Variants in KAZN observed in about 807,000 individuals in gnomAD.
KAZN encodes kazrin.
KAZN carries 40 observed loss-of-function variants against 87.4 expected under a neutral mutation model. That is an observed-to-expected ratio of 0.46 (90% confidence interval 0.36 to 0.60). KAZN has a LOEUF of 0.60. KAZN is among the 20% of genes least tolerant of loss of function. The pLI, the probability that KAZN is intolerant of heterozygous loss-of-function variation, is 0.00. For missense variants in KAZN, 898 were observed against 1,073.9 expected, an observed-to-expected ratio of 0.84 and a Z score of 2.29; for synonymous variants, 466 against 458.3, an observed-to-expected ratio of 1.02 and a Z score of -0.22.
intron 1 of KAZN, among the ~76,000 whole-genome samples, chr1:14,120,585 G>T (rs979190960): frequency 2.0e-5 from 3 of 152,172 alleles, no homozygotes; most frequent in Non-Finnish European, 2.9e-5. Context: ...ACTGGGCCCA[G>T]AGGTACCTGG....
intron 2 of KAZN, among the ~76,000 whole-genome samples, chr1:14,447,021 A>G (rs1471759349): frequency 6.6e-6 from 1 of 152,124 alleles, no homozygotes; most frequent in Non-Finnish European, 1.5e-5. Context: ...TAGTGAGCAT[A>G]GTATGTGATA....
intron 1 of KAZN, among the ~76,000 whole-genome samples, chr1:14,029,658 G>T (rs1337225494): frequency 6.6e-6 from 1 of 151,780 alleles, no homozygotes; most frequent in Non-Finnish European, 1.5e-5. Flanking sequence ...TGTATAAGGT[G>T]TAAGGAAGGG....
chr1:14,405,355 A>G (rs1177002321), intron 2 of KAZN, among the ~76,000 whole-genome samples: 2 of 152,194 alleles, frequency 1.3e-5, no homozygotes, highest in Non-Finnish European at 2.9e-5. Flanking sequence ...TGAAACCAAG[A>G]AATCATATAG....
chr1:13,902,356 T>C (rs1486986044), intron 1 of KAZN, among the ~76,000 whole-genome samples: 1 of 151,992 alleles, frequency 6.6e-6, no homozygotes, highest in African/African-American at 2.4e-5. Flanking sequence ...TTCCCCAGGG[T>C]GTAGGGGGTA....
intron 1 of KAZN, among the ~76,000 whole-genome samples, chr1:14,839,878 A>G (rs1647735090): frequency 6.6e-6 from 1 of 152,108 alleles, no homozygotes; most frequent in Non-Finnish European, 1.5e-5. Flanking sequence ...CAATAAAGGG[A>G]AACCAGCCTG....
chr1:14,256,137 C>A (rs1245411722), intron 2 of KAZN, among the ~76,000 whole-genome samples: 3 of 152,166 alleles, frequency 2.0e-5, no homozygotes, highest in Admixed American at 6.6e-5. Context: ...TTACTAAGTT[C>A]TTTTCCTAAT....
intron 2 of KAZN, among the ~76,000 whole-genome samples, chr1:14,981,070 C>T (rs1034428836): frequency 2.6e-5 from 4 of 152,168 alleles, no homozygotes; most frequent in African/African-American, 9.7e-5. Context: ...AGGGCAGCCT[C>T]CTCTGCAGAA....
intron 8 of KAZN, among the ~76,000 whole-genome samples, chr1:15,080,053 C>T (rs1639925160): frequency 2.0e-5 from 3 of 152,144 alleles, no homozygotes; most frequent in African/African-American, 7.2e-5. Context: ...AGTGGGGACC[C>T]TGGCCAACCC....
At chr1:14,129,944 T>G (rs1016648762) in intron 1 of KAZN, among the ~76,000 whole-genome samples, 3 of 152,218 alleles carry the variant, frequency 2.0e-5, no homozygotes, top group Non-Finnish European at 4.4e-5. Context: ...CCTTGTCACA[T>G]TTTCTGTATG....
At chr1:14,375,323 A>G (rs988841141) in intron 2 of KAZN, among the ~76,000 whole-genome samples, 4 of 152,148 alleles carry the variant, frequency 2.6e-5, no homozygotes, top group African/African-American at 9.7e-5. Context: ...ACACCTAGGC[A>G]CTGTCTCTCC....
chr1:14,843,984 T>A (rs1195968303), intron 1 of KAZN, among the ~76,000 whole-genome samples: 1 of 152,230 alleles, frequency 6.6e-6, no homozygotes, highest in Non-Finnish European at 1.5e-5. Flanking sequence ...GTGGTTTTAA[T>A]AAGTTTAAAA....
intron 1 of KAZN, among the ~76,000 whole-genome samples, chr1:14,059,084 G>T (rs78036427): frequency 0.053 from 8,072 of 152,258 alleles, 583 homozygotes; most frequent in African/African-American, 0.16. Flanking sequence ...GTGGGTGAAT[G>T]AGAATTATCT....
chr1:14,057,426 C>A (rs752882086), intron 1 of KAZN, among the ~76,000 whole-genome samples: 1 of 152,198 alleles, frequency 6.6e-6, no homozygotes, highest in Non-Finnish European at 1.5e-5. Context: ...AGCCACCATG[C>A]CCAGCTATGT....
At chr1:14,931,326 C>T (rs760067357) in intron 1 of KAZN, among the ~76,000 whole-genome samples, 9 of 151,990 alleles carry the variant, frequency 5.9e-5, no homozygotes, top group Non-Finnish European at 1.0e-4. Flanking sequence ...TGCCTGTAGT[C>T]CCAGCTACTC....
In KAZN at chr1:14,697,154, A is replaced by AG. The variant is rs1553212143; in HGVS notation, c.226+97931_226+97932insG. 4.8e-3 allele frequency among the ~76,000 whole-genome samples: 598 copies of AG among 124,734 alleles called. 4 individuals carry two copies. The highest frequency in any genetic ancestry group is 0.014 in the African/African-American group (445 of 32,144). 81.8% of individuals were successfully genotyped at this position (124,734 alleles called of 152,430 possible). A position where few individuals can be genotyped will look rare whatever the true frequency, so the allele number is the denominator to read the frequency against. On this transcript the variant is annotated intron_variant, in intron 1 of 14. Transcript: ENST00000376030. ...AAACAAACCAACAAAAAAAAAAAAA[A>AG]AAAGAAAAGAAAAGAAAAGAAATAA...
chr1:14,764,491 G>A lies in KAZN; in HGVS notation c.226+165268G>A, dbSNP rs563019683. 2.5e-4 allele frequency among the ~76,000 whole-genome samples: 37 copies of A among 149,084 alleles called. 1 individual carries two copies. In the South Asian group the frequency reaches 4.9e-3, roughly 20 times the overall value. The stretch of plus-strand genomic sequence containing the variant: ...TTCATCATATTCTTTGTTATCCGCC[G>A]CCCCTCTGCCCCCCCATAGAACGTA... On this transcript the variant is annotated intron_variant, in intron 1 of 14. Coordinates refer to ENST00000376030, the MANE Select transcript of KAZN (RefSeq NM_201628.3).
In KAZN at chr1:14,690,731, T is replaced by G. The variant is rs529634261; in HGVS notation, c.226+91508T>G. On this transcript the variant is annotated intron_variant, in intron 1 of 14. Transcript: ENST00000376030. ...CAGCCATAAAACCTCCTTAATAACT[T>G]TGCCTTAGATAGACCTCTAATATCC... Among the ~76,000 whole-genome samples, 8 of 152,294 alleles carry G rather than the reference T, an allele frequency of 5.3e-5. No individual in the cohort carries two copies. In the South Asian group the frequency reaches 1.4e-3, roughly 28 times the overall value.
intron 1 of KAZN, among the ~76,000 whole-genome samples, chr1:14,817,581 A>G (rs1254099393): frequency 6.6e-6 from 1 of 152,230 alleles, no homozygotes; most frequent in African/African-American, 2.4e-5. Context: ...GTGCTCAATA[A>G]TGTTTGCAGA....
At chr1:13,991,697 A>T (rs1639289941) in intron 1 of KAZN, among the ~76,000 whole-genome samples, 1 of 152,206 alleles carries the variant, frequency 6.6e-6, no homozygotes, top group Admixed American at 6.5e-5. Context: ...AAGCTGGCTT[A>T]CACTGGTCTG....
Sources: gnomAD v4.1 joint callset for allele counts (sites outside exome capture counted in the v4.1 genomes callset) on GRCh38, gnomAD v4.1.1 for gene constraint, MANE v1.5 for transcripts, NCBI Gene and HGNC (gene_info 2026-07-23, HGNC 2026-07-21) for gene names.